Variants in ACTR3C observed in about 807,000 individuals in gnomAD.
ACTR3C encodes actin related protein 3C, also known as actin-related protein 3C.
In ACTR3C, 18 loss-of-function variants were observed where a neutral mutation model predicts 26.3. That is an observed-to-expected ratio of 0.68 (90% CI 0.47 to 1.01). The LOEUF (loss-of-function observed/expected upper bound fraction) is 1.01, where lower values mean the gene tolerates loss of function less well. Among genes scored for constraint, ACTR3C ranks in the 50% least tolerant of loss-of-function variants. The probability of loss-of-function intolerance (pLI) is 0.00; values close to 1 mark genes in which losing one functional copy is unlikely to be tolerated. For missense variants in ACTR3C, 184 were observed against 250.7 expected, an observed-to-expected ratio of 0.73 and a Z score of 1.80; for synonymous variants, 55 against 94.5, an observed-to-expected ratio of 0.58 and a Z score of 2.42.
At chr7:150,033,295 C>T in the ACTR3C span, among the ~76,000 whole-genome samples, 1 of 152,332 alleles carries the variant, frequency 6.6e-6, no homozygotes, top group Non-Finnish European at 1.5e-5. Context: ...CCAATTATCT[C>T]TTCCTGGGCT....
chr7:150,224,666 C>A, the ACTR3C span, among the ~76,000 whole-genome samples: 3 of 152,150 alleles, frequency 2.0e-5, no homozygotes, highest in Non-Finnish European at 4.4e-5. Context: ...AGTTTCTCCA[C>A]AGTAAAATTA....
chr7:150,216,469 C>G, the ACTR3C span, among the ~76,000 whole-genome samples: 10 of 152,008 alleles, frequency 6.6e-5, no homozygotes, highest in Non-Finnish European at 1.5e-4. Context: ...ACTGTGTTGC[C>G]GAGACTGGAT....
At chr7:150,136,507 T>C in the ACTR3C span, among the ~76,000 whole-genome samples, 1 of 151,774 alleles carries the variant, frequency 6.6e-6, no homozygotes, top group Non-Finnish European at 1.5e-5. Context: ...CCGTCTCTAC[T>C]AAAAATACAA....
At chr7:150,119,863 A>G in the ACTR3C span, among the ~76,000 whole-genome samples, 1 of 152,236 alleles carries the variant, frequency 6.6e-6, no homozygotes, top group South Asian at 2.1e-4. Context: ...ATGCAAAAGA[A>G]CGGAAATTAA....
the ACTR3C span, chr7:150,074,342 T>C: frequency 1.3e-5 from 2 of 151,960 alleles, no homozygotes; most frequent in Admixed American, 1.3e-4. Flanking sequence ...CAGAATAAAA[T>C]AAAAGGTACA....
chr7:150,182,199 A>T, the ACTR3C span, among the ~76,000 whole-genome samples: 1 of 150,596 alleles, frequency 6.6e-6, no homozygotes, highest in Non-Finnish European at 1.5e-5. Flanking sequence ...AACAACAGGG[A>T]TGACAAGAAA....
the ACTR3C span, among the ~76,000 whole-genome samples, chr7:150,080,527 ATGTGTGTGTGTGTG>A: frequency 2.1e-5 from 3 of 142,556 alleles, no homozygotes; most frequent in African/African-American, 5.3e-5. Flanking sequence ...TTGTGTGTGT[ATGTGTGTGTGTGTG>A]TGTGTGTGTG....
chr7:150,194,023 C>CACAT, the ACTR3C span, among the ~76,000 whole-genome samples: 1 of 144,202 alleles, frequency 6.9e-6, no homozygotes, highest in African/African-American at 2.6e-5. Flanking sequence ...CACACACACA[C>CACAT]GAAAGAAAAG....
chr7:150,120,236 G>C, the ACTR3C span, among the ~76,000 whole-genome samples: 1 of 152,128 alleles, frequency 6.6e-6, no homozygotes, highest in African/African-American at 2.4e-5. Context: ...ATTAAGATCA[G>C]AGCAGAACTG....
the ACTR3C span, chr7:149,890,835 A>G: frequency 1.4e-4 from 25 of 182,748 alleles, no homozygotes; most frequent in African/African-American, 4.8e-4. Flanking sequence ...GAAATCTTCT[A>G]TCTCTGTATA....
the ACTR3C span, among the ~76,000 whole-genome samples, chr7:150,218,428 C>A: frequency 1.3e-5 from 2 of 152,206 alleles, no homozygotes; most frequent in Non-Finnish European, 2.9e-5. Flanking sequence ...TTTAGGCCAT[C>A]AAAGATTTTA....
chr7:150,128,973 C>T, the ACTR3C span, among the ~76,000 whole-genome samples: 2 of 150,324 alleles, frequency 1.3e-5, no homozygotes, highest in Admixed American at 6.6e-5. Context: ...GGACACAAAG[C>T]CCAGAGTTCC....
At chr7:150,239,557 T>TATAA (rs1554447236), downstream of ACTR3C, among the ~76,000 whole-genome samples, 1 of 139,110 alleles carries the variant, frequency 7.2e-6, no homozygotes, top group East Asian at 2.0e-4. Flanking sequence ...TATATATATA[T>TATAA]ATATAATTTA....
chr7:150,158,846 G>A, the ACTR3C span, among the ~76,000 whole-genome samples: 8 of 146,032 alleles, frequency 5.5e-5, no homozygotes, highest in African/African-American at 1.5e-4. Context: ...GCACACACAG[G>A]CACACACACA....
rs539620044 is a variant in ACTR3C at position 150,289,368 on chromosome 7, C to T, written c.297+82G>A. The T allele has an allele frequency of 3.4e-6, 5 of 1,464,882 alleles. No homozygotes were observed. The East Asian group carries it at 1.3e-4, about 37-fold the overall frequency. The allele number at this position is 1,464,882 out of a possible 1,614,324, so 90.7% of individuals were successfully genotyped here. A position where few individuals can be genotyped will look rare whatever the true frequency, so the allele number is the denominator to read the frequency against. On this transcript the variant is annotated intron_variant, in intron 4 of 7. Coordinates refer to ENST00000683684, the MANE Select transcript of ACTR3C (RefSeq NM_001164458.2). ...AAGGGGAGAGGATGGAAAGGAGGGG[C>T]AGGGATGATGGCACCAAGGGGAAGT... is the stretch of plus-strand genomic sequence containing the variant.
the ACTR3C span, among the ~76,000 whole-genome samples, chr7:150,068,796 A>AC: frequency 6.6e-6 from 1 of 150,890 alleles, no homozygotes; most frequent in Non-Finnish European, 1.5e-5. Context: ...AAAAAAAAAA[A>AC]AAAAAACCAA....
the ACTR3C span, among the ~76,000 whole-genome samples, chr7:149,942,549 A>T: frequency 0.43 from 64,582 of 151,390 alleles, 15,717 homozygotes; most frequent in Non-Finnish European, 0.54. Flanking sequence ...TATCATTATT[A>T]TTGTCCAGAG....
chr7:150,104,719 C>G, the ACTR3C span, among the ~76,000 whole-genome samples: 3 of 152,112 alleles, frequency 2.0e-5, no homozygotes, highest in East Asian at 3.9e-4. Flanking sequence ...AAAACCTCCA[C>G]GTTTTTGTCA....
chr7:150,095,376 A>G, the ACTR3C span, among the ~76,000 whole-genome samples: 3 of 150,642 alleles, frequency 2.0e-5, no homozygotes, highest in Non-Finnish European at 4.4e-5. Context: ...AGCCCTGGAT[A>G]GGACCGGCCA....
Sources: gnomAD v4.1 joint callset for allele counts (sites outside exome capture counted in the v4.1 genomes callset) on GRCh38, gnomAD v4.1.1 for gene constraint, MANE v1.5 for transcripts, NCBI Gene and HGNC (gene_info 2026-07-23, HGNC 2026-07-21) for gene names.